KLRF1: variants seen among roughly 807,000 people sequenced by gnomAD.
KLRF1 encodes killer cell lectin like receptor F1, also known as killer cell lectin-like receptor subfamily F member 1.
KLRF1 carries 27 observed loss-of-function variants against 30.7 expected under a neutral mutation model. The observed-to-expected ratio is 0.88, with a 90% CI of 0.65 to 1.21. The LOEUF is 1.21. Among genes scored for constraint, KLRF1 ranks in the 50% most tolerant of loss-of-function variants. The pLI is 0.00. For missense variants in KLRF1, 246 were observed against 259.3 expected (o/e 0.95, Z 0.35); for synonymous variants, 92 against 89.3 (o/e 1.03, Z -0.17).
the KLRF1 span, among the ~76,000 whole-genome samples, chr12:9,813,404 A>G: frequency 4.5e-4 from 68 of 152,236 alleles, 1 homozygote; most frequent in African/African-American, 1.6e-3. Flanking sequence ...ACTTCTGTGC[A>G]TGTGATCCTC....
chr12:9,813,656 T>C, the KLRF1 span, among the ~76,000 whole-genome samples: 1 of 151,756 alleles, frequency 6.6e-6, no homozygotes, highest in African/African-American at 2.4e-5. Flanking sequence ...AGACTTGGAA[T>C]ACAGCATCTA....
the KLRF1 span, among the ~76,000 whole-genome samples, chr12:9,820,518 T>G: frequency 6.6e-6 from 1 of 152,166 alleles, no homozygotes; most frequent in Non-Finnish European, 1.5e-5. Context: ...TCCCTCGCTC[T>G]GTCTCCAGGC....
At chr12:9,816,302 G>A in the KLRF1 span, among the ~76,000 whole-genome samples, 1 of 152,216 alleles carries the variant, frequency 6.6e-6, no homozygotes, top group Non-Finnish European at 1.5e-5. Flanking sequence ...ATTTTCAAGT[G>A]AATTATTAGG....
upstream of KLRF1, among the ~76,000 whole-genome samples, chr12:9,827,230 A>G (rs1867301986): frequency 6.6e-6 from 1 of 152,230 alleles, no homozygotes. Context: ...AAGGGGCATA[A>G]TTTCCATTCC....
At chr12:9,815,857 T>C in the KLRF1 span, among the ~76,000 whole-genome samples, 3 of 152,218 alleles carry the variant, frequency 2.0e-5, no homozygotes, top group Non-Finnish European at 4.4e-5. Context: ...TCACTCTTGT[T>C]GCCCAGGCTG....
the KLRF1 span, among the ~76,000 whole-genome samples, chr12:9,804,778 A>G: frequency 2.6e-5 from 4 of 151,972 alleles, no homozygotes; most frequent in Admixed American, 1.3e-4. Context: ...GTTTTTTTGT[A>G]GATGTTCTGT....
chr12:9,805,524 G>A, the KLRF1 span, among the ~76,000 whole-genome samples: 2 of 152,020 alleles, frequency 1.3e-5, no homozygotes, highest in Non-Finnish European at 2.9e-5. Context: ...GAATTTTGAA[G>A]GGAGCACAGA....
At chr12:9,826,500 T>G (rs1867285764), upstream of KLRF1, among the ~76,000 whole-genome samples, 1 of 152,100 alleles carries the variant, frequency 6.6e-6, no homozygotes, top group Non-Finnish European at 1.5e-5. Context: ...AAACCAGAAA[T>G]TTGACCCAGC....
At chr12:9,838,565 T>C (rs1249906428) in intron 3 of KLRF1, among the ~76,000 whole-genome samples, 1 of 152,112 alleles carries the variant, frequency 6.6e-6, no homozygotes, top group East Asian at 1.9e-4. Flanking sequence ...AAACAGTCAA[T>C]CTTCCCTGCC....
chr12:9,838,773 C>A (rs1867641889), intron 3 of KLRF1, among the ~76,000 whole-genome samples: 1 of 152,072 alleles, frequency 6.6e-6, no homozygotes, highest in East Asian at 1.9e-4. Context: ...AAAATTATTC[C>A]TTTTATTAGA....
the KLRF1 span, among the ~76,000 whole-genome samples, chr12:9,801,898 G>A: frequency 2.0e-5 from 3 of 151,996 alleles, no homozygotes; most frequent in Non-Finnish European, 4.4e-5. Flanking sequence ...ATTGCTTTTA[G>A]CATTTTCATC....
intron 1 of KLRF1, among the ~76,000 whole-genome samples, chr12:9,831,904 G>A (rs1867436600): frequency 6.6e-6 from 1 of 152,058 alleles, no homozygotes; most frequent in African/African-American, 2.4e-5. Context: ...AATAAAAAAG[G>A]CTCAAAGGAC....
At chr12:9,833,538 T>C in intron 3 of KLRF1, 86 bp downstream of exon 3, 2 of 1,153,820 alleles carry the variant, frequency 1.7e-6, no homozygotes, top group Non-Finnish European at 2.3e-6. Flanking sequence ...ATGCAATAGA[T>C]TAAAGTAACA....
chr12:9,827,721 A>G (rs1867313014), intron 1 of KLRF1, 92 bp downstream of exon 1: 1 of 649,474 alleles, frequency 1.5e-6, no homozygotes, highest in Non-Finnish European at 2.7e-6. Context: ...CTGTTTCAGT[A>G]TTTGGGTGCT....
the KLRF1 span, among the ~76,000 whole-genome samples, chr12:9,811,004 GCCACACTT>G: frequency 6.6e-6 from 1 of 152,064 alleles, no homozygotes; most frequent in Non-Finnish European, 1.5e-5. Context: ...TGTAGATTAA[GCCACACTT>G]CCAGCAATGG....
chr12:9,844,115 C>T (rs374138039), intron 5 of KLRF1, among the ~76,000 whole-genome samples: 79 of 152,010 alleles, frequency 5.2e-4, no homozygotes, highest in Non-Finnish European at 1.0e-3. Context: ...GAGGTGTCCA[C>T]ATGGAGTTAA....
chr12:9,839,312 C>T (rs962272750), intron 3 of KLRF1, among the ~76,000 whole-genome samples: 1 of 152,022 alleles, frequency 6.6e-6, no homozygotes, highest in Non-Finnish European at 1.5e-5. Context: ...GTTCTTAGCT[C>T]CCAAATGCCC....
the KLRF1 span, among the ~76,000 whole-genome samples, chr12:9,818,546 T>C: frequency 6.6e-6 from 1 of 152,220 alleles, no homozygotes; most frequent in African/African-American, 2.4e-5. Context: ...ACTGTAGGCA[T>C]AGAAGGCAAA....
At chr12:9,804,388 T>G in the KLRF1 span, among the ~76,000 whole-genome samples, 1 of 152,176 alleles carries the variant, frequency 6.6e-6, no homozygotes, top group Non-Finnish European at 1.5e-5. Flanking sequence ...TTATGGGTTA[T>G]CCTTTCACTT....
Sources: allele counts gnomAD v4.1 joint callset (sites outside exome capture counted in the v4.1 genomes callset), GRCh38; gene constraint gnomAD v4.1.1; transcripts MANE v1.5; gene names NCBI Gene and HGNC (gene_info 2026-07-23, HGNC 2026-07-21).